CNTN4: variants seen among roughly 807,000 people sequenced by gnomAD.
CNTN4 encodes the protein contactin-4.
CNTN4 carries 77 observed loss-of-function variants against 122.5 expected under a neutral mutation model. The ratio of observed to expected loss-of-function variants is 0.63; its 90% CI spans 0.52 to 0.76. The LOEUF (loss-of-function observed/expected upper bound fraction) is 0.76, where lower values mean the gene tolerates loss of function less well. Among genes scored for constraint, CNTN4 ranks in the 30% least tolerant of loss-of-function variants. The pLI, the probability that CNTN4 is intolerant of heterozygous loss-of-function variation, is 0.00. For synonymous variants in CNTN4, 512 were observed against 447.0 expected (o/e 1.15, Z -1.83); for missense variants, 1,256 against 1,259.1 (o/e 1.00, Z 0.04).
intron 2 of CNTN4, among the ~76,000 whole-genome samples, chr3:2,210,553 A>T (rs972892148): frequency 6.6e-6 from 1 of 152,144 alleles, no homozygotes; most frequent in East Asian, 1.9e-4. Flanking sequence ...AAAATTGGGG[A>T]TTATCTCCAT....
chr3:2,169,868 GAATA>G (rs1030522941), intron 2 of CNTN4, among the ~76,000 whole-genome samples: 2 of 152,058 alleles, frequency 1.3e-5, no homozygotes, highest in African/African-American at 4.8e-5. Context: ...ACAGAATTAA[GAATA>G]AATAATGGGA....
At chr3:2,989,212 T>C (rs899516719) in intron 14 of CNTN4, among the ~76,000 whole-genome samples, 5 of 152,162 alleles carry the variant, frequency 3.3e-5, no homozygotes, top group Admixed American at 3.3e-4. Flanking sequence ...TGTCATAGGA[T>C]TTTTGAGTTG....
intron 4 of CNTN4, among the ~76,000 whole-genome samples, chr3:2,615,027 G>A (rs1400978819): frequency 6.6e-6 from 1 of 152,046 alleles, no homozygotes; most frequent in East Asian, 1.9e-4. Context: ...ATGACAAGCA[G>A]TGACGGCTCA....
intron 3 of CNTN4, among the ~76,000 whole-genome samples, chr3:2,447,841 A>G (rs938328876): frequency 6.6e-6 from 1 of 152,148 alleles, no homozygotes; most frequent in Non-Finnish European, 1.5e-5. Context: ...TATCTCTTTC[A>G]ATCCCTCAAG....
chr3:3,038,754 C>T (rs944063540), intron 18 of CNTN4, among the ~76,000 whole-genome samples, 179 bp from the exon 19 acceptor site: 2 of 151,708 alleles, frequency 1.3e-5, no homozygotes, highest in Non-Finnish European at 2.9e-5. Context: ...CTCCTTGGTA[C>T]ATTTCACTTC....
At position 2,302,685 on chromosome 3, in the gene CNTN4, GA is replaced by G. The variant is rs559072032; in HGVS notation, c.-144-36490del. 1.2e-4 allele frequency among the ~76,000 whole-genome samples: 19 copies of G among 152,194 alleles called. No individual in the cohort carries two copies. The South Asian group carries it at 3.5e-3, about 28-fold the overall frequency. On this transcript the variant is annotated intron_variant, in intron 2 of 24. Transcript: ENST00000418658. ...TCCACCTCCAACTATTTTATCATTG[GA>G]AATGCATGAAGGACAAACAACTCAC...
At chr3:2,848,124 A>G (rs1032299279) in intron 7 of CNTN4, among the ~76,000 whole-genome samples, 17 of 152,158 alleles carry the variant, frequency 1.1e-4, no homozygotes, top group Admixed American at 9.8e-4. Context: ...AGTGGCATAC[A>G]CCTGTAGTCC....
At chr3:2,135,638 G>C (rs1382336672) in intron 2 of CNTN4, among the ~76,000 whole-genome samples, 1 of 151,556 alleles carries the variant, frequency 6.6e-6, no homozygotes, top group Non-Finnish European at 1.5e-5. Flanking sequence ...AGAGCTTTTT[G>C]TTTGGGAAAG....
chr3:2,101,637 C>T (rs559243506), intron 2 of CNTN4, among the ~76,000 whole-genome samples: 1 of 152,046 alleles, frequency 6.6e-6, no homozygotes, highest in South Asian at 2.1e-4. Context: ...GATTTACTGC[C>T]TAGATTTATT....
chr3:2,236,697 A>G (rs376778867), intron 2 of CNTN4, among the ~76,000 whole-genome samples: 52 of 152,322 alleles, frequency 3.4e-4, no homozygotes, highest in Non-Finnish European at 5.6e-4. Flanking sequence ...TCCTCAAACT[A>G]TCATTTTTAT....
At chr3:2,595,851 A>G (rs2080744767) in intron 4 of CNTN4, among the ~76,000 whole-genome samples, 1 of 152,178 alleles carries the variant, frequency 6.6e-6, no homozygotes, top group African/African-American at 2.4e-5. Flanking sequence ...AAATTTTCTC[A>G]AAGTTGACCA....
chr3:2,569,748 G>A (rs1001099034), intron 3 of CNTN4, among the ~76,000 whole-genome samples: 2 of 151,922 alleles, frequency 1.3e-5, no homozygotes, highest in East Asian at 3.9e-4. Context: ...AGATCTCCCG[G>A]TTCCATAAAT....
chr3:2,675,358 A>G (rs1273981817), intron 4 of CNTN4, among the ~76,000 whole-genome samples: 1 of 152,058 alleles, frequency 6.6e-6, no homozygotes, highest in Non-Finnish European at 1.5e-5. Flanking sequence ...CCCAGACTTT[A>G]ACATGCCTGA....
chr3:2,249,623 G>A (rs958068834), intron 2 of CNTN4, among the ~76,000 whole-genome samples: 1 of 151,904 alleles, frequency 6.6e-6, no homozygotes, highest in African/African-American at 2.4e-5. Context: ...AACAGCATAG[G>A]TTGGGCAAAG....
chr3:2,336,331 A>G (rs1003769055), intron 2 of CNTN4, among the ~76,000 whole-genome samples: 2 of 152,024 alleles, frequency 1.3e-5, no homozygotes, highest in African/African-American at 2.4e-5. Context: ...CTTTTTGAAT[A>G]AAAAAAATTA....
At chr3:2,481,051 TTCTTTCTTTCTCTCTTTCTC>T (rs2075983148) in intron 3 of CNTN4, among the ~76,000 whole-genome samples, 2 of 145,318 alleles carry the variant, frequency 1.4e-5, no homozygotes, top group South Asian at 2.2e-4. Flanking sequence ...CTTTCTTTCT[TTCTTTCTTTCTCTCTTTCTC>T]TCTTTCTCTC....
intron 3 of CNTN4, among the ~76,000 whole-genome samples, chr3:2,351,317 T>A (rs2044607979): frequency 6.6e-6 from 1 of 152,142 alleles, no homozygotes; most frequent in Non-Finnish European, 1.5e-5. Flanking sequence ...GCAGGAAACT[T>A]AGGCGCAGAA....
rs559546990 is a variant in CNTN4 at position 2,528,244 on chromosome 3, G to C, written c.-88-43172G>C. Among the ~76,000 whole-genome samples the C allele has an allele frequency of 2.6e-5, 4 of 152,160 alleles. No individual in the cohort carries two copies. The East Asian group carries it at 7.7e-4, about 29-fold the overall frequency. ...ATGGATGTTGTAGTCTTGATTCTTTGTTGTATTTCAGAAAGGAAACCTCTA... is the reference window on the plus strand; with the variant it reads ...ATGGATGTTGTAGTCTTGATTCTTTCTTGTATTTCAGAAAGGAAACCTCTA... On this transcript the variant is annotated intron_variant, in intron 3 of 24. Transcript: ENST00000418658.
intron 6 of CNTN4, among the ~76,000 whole-genome samples, chr3:2,756,911 C>G (rs988314569): frequency 4.6e-5 from 7 of 152,000 alleles, no homozygotes; most frequent in Non-Finnish European, 1.0e-4. Flanking sequence ...TTTTTTTAAG[C>G]CATTCAATCT....
Sources: allele counts gnomAD v4.1 joint callset (sites outside exome capture counted in the v4.1 genomes callset), GRCh38; gene constraint gnomAD v4.1.1; transcripts MANE v1.5; gene names NCBI Gene and HGNC (gene_info 2026-07-23, HGNC 2026-07-21).